Variants in IPO8 observed in about 807,000 individuals in gnomAD.
IPO8 encodes importin-8.
Under a neutral mutation model 141.2 loss-of-function variants are expected in IPO8, and 65 were observed. That is an observed-to-expected ratio of 0.46 (90% CI 0.38 to 0.57). The LOEUF (loss-of-function observed/expected upper bound fraction) is 0.57, where lower values mean the gene tolerates loss of function less well. Among genes scored for constraint, IPO8 ranks in the 20% least tolerant of loss-of-function variants. The pLI is 0.00. For synonymous variants in IPO8, 411 were observed against 420.3 expected (o/e 0.98, Z 0.27); for missense variants, 980 against 1,246.8 (o/e 0.79, Z 3.22).
intron 5 of IPO8, chr12:30,677,107 A>T (rs1249941629): frequency 6.7e-7 from 1 of 1,492,860 alleles, no homozygotes; most frequent in Non-Finnish European, 9.0e-7. Context: ...AGTACAAAAC[A>T]TGCTACATGC....
rs766399687 is a variant in IPO8, at chr12:30,662,383, T to C, written c.1699A>G (p.Ile567Val). ...DDVTNVIQKMICEYSQEVASI... is the reference protein window; with the variant it reads ...DDVTNVIQKMVCEYSQEVASI... The stretch of plus-strand genomic sequence containing the variant: ...GCTACCTCTTGACTGTATTCACATA[T>C]CATCTTCTGGATGACATTAGTAACA... The change falls in exon 15 of 25, where the codon ATA (isoleucine) becomes GTA (valine). Residue 567 changes from isoleucine to valine, a missense_variant. Physicochemically the swap from Ile to Val is conservative, Grantham distance 29. Coordinates refer to ENST00000256079, the MANE Select transcript of IPO8 (RefSeq NM_006390.4). 1 of 1,613,836 alleles carries C rather than the reference T, an allele frequency of 6.2e-7. No individual in the cohort carries two copies. Among genetic ancestry groups the C allele is most frequent in the Non-Finnish European group, 8.5e-7 (1 of 1,179,830 alleles).
In IPO8 at chr12:30,681,670, C is replaced by T. The variant is rs1480090149; in HGVS notation, c.471G>A (p.Val157=). 6.2e-7 allele frequency: 1 copy of T among 1,612,744 alleles called. No individual in the cohort carries two copies. The highest frequency in any genetic ancestry group is 8.5e-7 in the Non-Finnish European group (1 of 1,179,364). ...GGAAACCAACTTACTCATATGTCTT[C>T]ACCAGTTGATACAGGCATAATAAAC... ...LGSLLCLYQL[V]KTYEYKKAEE... The change falls in exon 4 of 25, where the codon GTG becomes GTA. Residue 157 remains valine, a synonymous_variant. Transcript: ENST00000256079.
At chr12:30,635,869 A>C (rs1205144932) in intron 22 of IPO8, among the ~76,000 whole-genome samples, 1 of 152,096 alleles carries the variant, frequency 6.6e-6, no homozygotes, top group Admixed American at 6.6e-5. Context: ...AGGAAGTACA[A>C]GAAAGTGTGG....
At chr12:30,680,815 C>A (rs923575621) in intron 4 of IPO8, among the ~76,000 whole-genome samples, 177 bp from the exon 5 acceptor site, 1 of 152,116 alleles carries the variant, frequency 6.6e-6, no homozygotes, top group East Asian at 1.9e-4. Context: ...AATAACACAT[C>A]CTGTTTTAGG....
At chr12:30,693,068 A>G (rs1185290068) in intron 1 of IPO8, among the ~76,000 whole-genome samples, 2 of 152,242 alleles carry the variant, frequency 1.3e-5, no homozygotes, top group Admixed American at 1.3e-4. Context: ...ATGCATGGAA[A>G]GCAGAGATTC....
chr12:30,656,384 T>A (rs919317641), intron 17 of IPO8, among the ~76,000 whole-genome samples: 3 of 152,180 alleles, frequency 2.0e-5, no homozygotes, highest in Non-Finnish European at 4.4e-5. Flanking sequence ...CATTTTTCAA[T>A]CCCAGATTAA....
intron 4 of IPO8, among the ~76,000 whole-genome samples, chr12:30,681,272 T>TA (rs1270446424): frequency 6.6e-6 from 1 of 152,178 alleles, no homozygotes; most frequent in East Asian, 1.9e-4. Context: ...AGAATGTCAT[T>TA]AGCAAAGAAA....
chr12:30,690,977 C>A (rs912638783), intron 1 of IPO8, among the ~76,000 whole-genome samples: 1 of 152,216 alleles, frequency 6.6e-6, no homozygotes, highest in African/African-American at 2.4e-5. Context: ...GTGTTTTCCT[C>A]TTTGTTGGCT....
intron 21 of IPO8, among the ~76,000 whole-genome samples, chr12:30,638,966 C>G (rs565224160): frequency 4.6e-5 from 7 of 152,200 alleles, no homozygotes; most frequent in Admixed American, 4.6e-4. Context: ...CCACCGCGCC[C>G]GGCCTCACTC....
chr12:30,650,779 C>A (rs117283727), intron 19 of IPO8, among the ~76,000 whole-genome samples: 1 of 152,216 alleles, frequency 6.6e-6, no homozygotes, highest in Non-Finnish European at 1.5e-5. Flanking sequence ...TAAATAGGCT[C>A]TGGAGTCAGA....
intron 5 of IPO8, among the ~76,000 whole-genome samples, chr12:30,678,736 T>C (rs1301574386): frequency 6.6e-6 from 1 of 152,182 alleles, no homozygotes; most frequent in Non-Finnish European, 1.5e-5. Context: ...GGATTTGATA[T>C]AGGGAACAGA....
intron 17 of IPO8, 58 bp downstream of exon 17, chr12:30,656,626 T>A: frequency 1.0e-6 from 1 of 982,486 alleles, no homozygotes; most frequent in East Asian, 2.9e-5. Context: ...AATTATACTT[T>A]GAGTTCAAAT....
At chr12:30,676,458 C>T (rs760968587) in intron 6 of IPO8, 40 bp downstream of exon 6, 33 of 1,428,390 alleles carry the variant, frequency 2.3e-5, no homozygotes, top group Non-Finnish European at 3.3e-5. Context: ...ACATTCCAAA[C>T]CCGTTTCCCC....
At chr12:30,659,543 A>G (rs759498728) in intron 16 of IPO8, among the ~76,000 whole-genome samples, 3 of 151,516 alleles carry the variant, frequency 2.0e-5, no homozygotes, top group Non-Finnish European at 4.4e-5. Context: ...TTGGCACGTC[A>G]TAAACACAGG....
At chr12:30,684,566 C>T (rs370066295) in intron 2 of IPO8, 109 bp from the exon 3 acceptor site, 7 of 1,016,454 alleles carry the variant, frequency 6.9e-6, no homozygotes, top group Middle Eastern at 4.3e-4. Context: ...TGAAACCCAG[C>T]AAAAATGGAT....
At chr12:30,648,226 A>T (rs1426107343) in intron 20 of IPO8, among the ~76,000 whole-genome samples, 1 of 152,254 alleles carries the variant, frequency 6.6e-6, no homozygotes, top group African/African-American at 2.4e-5. Flanking sequence ...CTATACAATG[A>T]AATATTATTT....
intron 15 of IPO8, 90 bp downstream of exon 15, chr12:30,662,237 G>A: frequency 9.9e-7 from 1 of 1,013,112 alleles, no homozygotes. Context: ...GCACATGACT[G>A]TACAAATAAA....
intron 3 of IPO8, among the ~76,000 whole-genome samples, chr12:30,683,351 C>T (rs2053207922): frequency 6.6e-6 from 1 of 152,068 alleles, no homozygotes; most frequent in African/African-American, 2.4e-5. Flanking sequence ...TTCCTGTTAC[C>T]CGTCGTACTT....
At chr12:30,634,326 TA>T (rs1565491989) in intron 22 of IPO8, 40 bp from the exon 23 acceptor site, 1 of 1,525,486 alleles carries the variant, frequency 6.6e-7, no homozygotes, top group Non-Finnish European at 9.1e-7. Context: ...TCAAAACACA[TA>T]AGGACAAAAT....
Sources: allele counts gnomAD v4.1 joint callset (sites outside exome capture counted in the v4.1 genomes callset), GRCh38; gene constraint gnomAD v4.1.1; transcripts MANE v1.5; gene names NCBI Gene and HGNC (gene_info 2026-07-23, HGNC 2026-07-21).